The following HOMER2 variants were observed in gnomAD, a reference collection of about 807,000 sequenced individuals.
HOMER2 encodes the protein homer scaffold protein 2.
In HOMER2, 27 loss-of-function variants were observed where a neutral mutation model predicts 47.0. That is an observed-to-expected ratio of 0.57 (90% CI 0.42 to 0.79). The LOEUF (loss-of-function observed/expected upper bound fraction) is 0.79. Among genes scored for constraint, HOMER2 ranks in the 30% least tolerant of loss-of-function variants. The pLI is 0.00. For missense variants in HOMER2, 443 were observed against 435.0 expected, an observed-to-expected ratio of 1.02 and a Z score of -0.16; for synonymous variants, 161 against 163.8, an observed-to-expected ratio of 0.98 and a Z score of 0.13.
intron 1 of HOMER2, among the ~76,000 whole-genome samples, chr15:82,950,819 C>T (rs1470221739): frequency 6.6e-6 from 1 of 152,168 alleles, no homozygotes; most frequent in Non-Finnish European, 1.5e-5. Context: ...TTGACATTTT[C>T]TTTAAGGTTT....
At chr15:82,949,568 T>C (rs1215921147) in intron 1 of HOMER2, among the ~76,000 whole-genome samples, 1 of 152,084 alleles carries the variant, frequency 6.6e-6, no homozygotes, top group Non-Finnish European at 1.5e-5. Flanking sequence ...CTGTAGAGTA[T>C]GGAGAGTGAA....
chr15:82,933,457 G>A (rs568008802), intron 1 of HOMER2, among the ~76,000 whole-genome samples: 102 of 152,244 alleles, frequency 6.7e-4, no homozygotes, highest in Admixed American at 1.6e-3. Context: ...CATCACCCCA[G>A]GCTGATCTCG....
At chr15:82,984,730 C>T (rs1173284984) in intron 1 of HOMER2, among the ~76,000 whole-genome samples, 3 of 152,100 alleles carry the variant, frequency 2.0e-5, no homozygotes, top group Non-Finnish European at 2.9e-5. Flanking sequence ...CTGAGAGGAT[C>T]GCCTGAGCCC....
At chr15:82,966,796 G>GT (rs1419658285) in intron 1 of HOMER2, among the ~76,000 whole-genome samples, 3 of 152,302 alleles carry the variant, frequency 2.0e-5, no homozygotes, top group South Asian at 2.1e-4. Flanking sequence ...TTTAGAAAAC[G>GT]TGAGTGTGAA....
At chr15:82,873,551 C>A (rs1826625584) in intron 3 of HOMER2, among the ~76,000 whole-genome samples, 1 of 152,250 alleles carries the variant, frequency 6.6e-6, no homozygotes, top group Admixed American at 6.5e-5. Context: ...CACACAAGCC[C>A]AGGAAGTGAG....
upstream of HOMER2, among the ~76,000 whole-genome samples, chr15:82,955,295 G>A (rs540167968): frequency 1.0e-4 from 15 of 149,944 alleles, no homozygotes; most frequent in African/African-American, 3.4e-4. Context: ...TCAGCCTCCC[G>A]AGTAGCTGGG....
intron 1 of HOMER2, among the ~76,000 whole-genome samples, chr15:82,979,152 CG>C (rs1041476502): frequency 9.2e-5 from 14 of 152,206 alleles, no homozygotes; most frequent in African/African-American, 2.7e-4. Context: ...CCTCCCCAGC[CG>C]TGCTGCACTG....
intron 2 of HOMER2, among the ~76,000 whole-genome samples, chr15:82,890,862 A>G (rs2052682135): frequency 6.6e-6 from 1 of 152,216 alleles, no homozygotes; most frequent in Non-Finnish European, 1.5e-5. Flanking sequence ...TCCTGGAAAG[A>G]GTCCAGGCAA....
At chr15:82,876,592 G>T (rs561082739) in intron 2 of HOMER2, among the ~76,000 whole-genome samples, 25 of 152,326 alleles carry the variant, frequency 1.6e-4, no homozygotes, top group Admixed American at 1.5e-3. Flanking sequence ...TGTAAGGGCA[G>T]GGTAGCAATA....
intron 1 of HOMER2, among the ~76,000 whole-genome samples, chr15:82,934,337 A>T (rs942751882): frequency 3.3e-5 from 5 of 151,894 alleles, no homozygotes; most frequent in African/African-American, 1.2e-4. Flanking sequence ...ATCCACAGAG[A>T]TAACCCTCAA....
chr15:82,967,068 A>G (rs983406941), intron 1 of HOMER2, among the ~76,000 whole-genome samples: 1 of 152,090 alleles, frequency 6.6e-6, no homozygotes, highest in Non-Finnish European at 1.5e-5. Flanking sequence ...TGAGCAACAT[A>G]GTGAGACCCT....
chr15:82,943,375 C>T (rs1399057277), intron 1 of HOMER2, among the ~76,000 whole-genome samples: 3 of 152,162 alleles, frequency 2.0e-5, no homozygotes, highest in Non-Finnish European at 2.9e-5. Context: ...GCTGAGTCTA[C>T]GCTCAGTCCA....
rs569257313 is a variant in HOMER2 at position 82,875,985 on chromosome 15, A to C, written c.163-581T>G. Among the ~76,000 whole-genome samples, 3 of 152,328 alleles carry C rather than the reference A, an allele frequency of 2.0e-5. No homozygotes were observed. The South Asian group carries it at 6.2e-4, about 32-fold the overall frequency. On this transcript the variant is annotated intron_variant, in intron 2 of 8. Coordinates refer to ENST00000450735, the MANE Select transcript of HOMER2 (RefSeq NM_004839.4). ...AGGGAATCTGTAAGGATGGTGCAGC[A>C]GCCTGGTGCTAGCTGTCACCACTCC...
At chr15:82,907,650 A>C (rs556045868) in intron 1 of HOMER2, among the ~76,000 whole-genome samples, 2 of 152,322 alleles carry the variant, frequency 1.3e-5, no homozygotes, top group Non-Finnish European at 2.9e-5. Context: ...GCACCTACAG[A>C]CTATTGATCC....
chr15:82,867,462 G>A (rs1370276910), intron 3 of HOMER2, among the ~76,000 whole-genome samples: 2 of 151,530 alleles, frequency 1.3e-5, no homozygotes, highest in Non-Finnish European at 2.9e-5. Flanking sequence ...ATTTTCTTTA[G>A]TATGGCAAGA....
At chr15:82,892,474 T>C (rs1308790742) in intron 2 of HOMER2, among the ~76,000 whole-genome samples, 7 of 152,216 alleles carry the variant, frequency 4.6e-5, no homozygotes, top group Non-Finnish European at 8.8e-5. Flanking sequence ...GCAGAATTAT[T>C]ATACAGGCAT....
upstream of HOMER2, among the ~76,000 whole-genome samples, chr15:82,955,791 A>G (rs2054582047): frequency 6.6e-6 from 1 of 152,230 alleles, no homozygotes; most frequent in South Asian, 2.1e-4. Context: ...AGTGCTCAGC[A>G]AAACAGACGT....
Position 82,849,647 on chromosome 15 carries a change from G to A in HOMER2, c.*68C>T, listed in dbSNP as rs912168000. 6.1e-5 allele frequency: 85 copies of A among 1,401,718 alleles called. No individual in the cohort carries two copies. In the African/African-American group the frequency reaches 9.5e-4, roughly 16 times the overall value. 86.8% of individuals were successfully genotyped at this position (1,401,718 alleles called of 1,614,324 possible). ...ACAGAAGCAATGCACACAGAAGAAC[G>A]TCCTAGAGCTATCTGGTCTCGCACA... On this transcript the variant is annotated 3_prime_UTR_variant, in exon 9 of 9. Coordinates refer to ENST00000450735, the MANE Select transcript of HOMER2 (RefSeq NM_004839.4).
At position 82,869,450 on chromosome 15, in the gene HOMER2, C is replaced by CTTTTTTT. The variant is rs71822678; in HGVS notation, c.295-5198_295-5192dup. 1.1e-3 allele frequency among the ~76,000 whole-genome samples: 77 copies of CTTTTTTT among 70,262 alleles called. 16 individuals are homozygous for CTTTTTTT. Among genetic ancestry groups the CTTTTTTT allele is most frequent in the African/African-American group, 3.8e-3 (64 of 16,708 alleles). 46.1% of individuals were successfully genotyped at this position (70,262 alleles called of 152,430 possible). On this transcript the variant is annotated intron_variant, in intron 3 of 8. Coordinates refer to ENST00000450735, the MANE Select transcript of HOMER2 (RefSeq NM_004839.4). ...AATTATATGATTTTCTACTAAACAT[C>CTTTTTTT]TTTTTTTTTTTTTTTTTTTTTTTTT...
Sources: allele counts gnomAD v4.1 joint callset (sites outside exome capture counted in the v4.1 genomes callset), GRCh38; gene constraint gnomAD v4.1.1; transcripts MANE v1.5; gene names NCBI Gene and HGNC (gene_info 2026-07-23, HGNC 2026-07-21).